Variants in RSPO3 observed in about 807,000 individuals in gnomAD.
RSPO3 encodes R-spondin-3.
In RSPO3, 17 loss-of-function variants were observed where a neutral mutation model predicts 36.5. The observed-to-expected ratio is 0.47, with a 90% confidence interval of 0.32 to 0.70. The LOEUF is 0.70. RSPO3 is among the 30% of genes least tolerant of loss of function. RSPO3 has a pLI of 0.04. For missense variants in RSPO3, 294 were observed against 322.5 expected (o/e 0.91, Z 0.68); for synonymous variants, 108 against 107.0 (o/e 1.01, Z -0.06).
At chr6:127,144,999 G>T (rs925608618) in intron 1 of RSPO3, among the ~76,000 whole-genome samples, 1 of 152,030 alleles carries the variant, frequency 6.6e-6, no homozygotes, top group African/African-American at 2.4e-5. Flanking sequence ...CCACTCCAAA[G>T]TAAGCTCCAT....
intron 4 of RSPO3, among the ~76,000 whole-genome samples, chr6:127,166,366 T>C (rs1322103600): frequency 6.6e-6 from 1 of 152,054 alleles, no homozygotes; most frequent in Admixed American, 6.6e-5. Context: ...AATGAATTGA[T>C]ACATTGACTT....
intron 1 of RSPO3, among the ~76,000 whole-genome samples, chr6:127,123,643 T>G (rs1227134060): frequency 6.6e-6 from 1 of 152,096 alleles, no homozygotes; most frequent in African/African-American, 2.4e-5. Flanking sequence ...ATGGTAATTT[T>G]AAAATACCTT....
chr6:127,177,543 G>C (rs1775080287), intron 4 of RSPO3, among the ~76,000 whole-genome samples: 1 of 151,818 alleles, frequency 6.6e-6, no homozygotes, highest in Non-Finnish European at 1.5e-5. Flanking sequence ...CCAGTAATAA[G>C]TGCTGATCAT....
At chr6:127,173,014 T>C (rs1471232214) in intron 4 of RSPO3, among the ~76,000 whole-genome samples, 1 of 151,844 alleles carries the variant, frequency 6.6e-6, no homozygotes, top group Non-Finnish European at 1.5e-5. Flanking sequence ...TTCAACACTT[T>C]TGCCCTGTGT....
intron 2 of RSPO3, 97 bp from the exon 3 acceptor site, chr6:127,150,329 A>T: frequency 8.5e-7 from 1 of 1,172,004 alleles, no homozygotes; most frequent in Non-Finnish European, 1.2e-6. Context: ...TTTATTTGAT[A>T]CTAAAGTTGT....
intron 4 of RSPO3, among the ~76,000 whole-genome samples, chr6:127,181,654 A>G (rs570602920): frequency 2.0e-5 from 3 of 151,996 alleles, no homozygotes; most frequent in African/African-American, 7.2e-5. Context: ...GTAATGGACA[A>G]AAAAGGGATT....
chr6:127,120,820 G>A (rs895594548), intron 1 of RSPO3, among the ~76,000 whole-genome samples: 2 of 152,246 alleles, frequency 1.3e-5, no homozygotes, highest in Non-Finnish European at 2.9e-5. Flanking sequence ...AAATATGTCA[G>A]GGCATCCGAT....
rs1774428224 is a variant in RSPO3, at chr6:127,148,428, TTCA to T, written c.98-219_98-217del. Reference sequence around the variant, plus strand: ...CTTTGAGGCAGTATATTCTTTATTTTTCAAATGCTCAATTTTAAGAACTTTGAA... The same window carrying T: ...CTTTGAGGCAGTATATTCTTTATTTTAATGCTCAATTTTAAGAACTTTGAA... On this transcript the variant is annotated intron_variant, in intron 1 of 4. Coordinates refer to ENST00000356698, the MANE Select transcript of RSPO3 (RefSeq NM_032784.5). Among the ~76,000 whole-genome samples, 4 of 151,998 alleles carry T rather than the reference TTCA, an allele frequency of 2.6e-5. No homozygotes were observed. The South Asian group carries it at 8.3e-4, about 31-fold the overall frequency.
In RSPO3 at chr6:127,119,145, ACAAT is replaced by A. The variant is rs766807820; in HGVS notation, c.-44_-41del. 1 of 1,351,906 alleles carries A rather than the reference ACAAT, an allele frequency of 7.4e-7. No individual in the cohort carries two copies. The highest frequency in any genetic ancestry group is 1.1e-6 in the Non-Finnish European group (1 of 949,618). The allele number at this position is 1,351,906 out of a possible 1,614,324, so 83.7% of individuals were successfully genotyped here. On this transcript the variant is annotated 5_prime_UTR_variant, in exon 1 of 5. Coordinates refer to ENST00000356698, the MANE Select transcript of RSPO3 (RefSeq NM_032784.5). ...ATTTTAAAAACATTAAATATAATTA[ACAAT>A]CAAAAGAAAGAGGAGAAAGGAAGGG...
intron 4 of RSPO3, among the ~76,000 whole-genome samples, chr6:127,168,376 G>C (rs1253663173): frequency 7.4e-6 from 1 of 134,848 alleles, no homozygotes; most frequent in East Asian, 2.2e-4. Flanking sequence ...TTTTTTTCAT[G>C]TGTCTGTTGG....
rs149420957 is a variant in RSPO3 at position 127,141,239 on chromosome 6, A to G, written c.98-7409A>G. Among the ~76,000 whole-genome samples, 332 of 152,220 alleles carry G rather than the reference A, an allele frequency of 2.2e-3. 1 individual carries two copies. The highest frequency in any genetic ancestry group is 7.6e-3 in the African/African-American group (315 of 41,536). On this transcript the variant is annotated intron_variant, in intron 1 of 4. Coordinates refer to ENST00000356698, the MANE Select transcript of RSPO3 (RefSeq NM_032784.5). ...TGAAGCCTACTTGCATCTATCTTTC[A>G]TTTCTAGTCCTGATTTTGGACTAGC...
At chr6:127,176,121 C>A (rs1472766566) in intron 4 of RSPO3, among the ~76,000 whole-genome samples, 1 of 151,560 alleles carries the variant, frequency 6.6e-6, no homozygotes, top group Non-Finnish European at 1.5e-5. Flanking sequence ...TTTTTGACCC[C>A]AATGTTACCG....
chr6:127,185,451 AAAG>A (rs776179629), intron 4 of RSPO3, among the ~76,000 whole-genome samples: 9 of 152,208 alleles, frequency 5.9e-5, no homozygotes, highest in South Asian at 2.1e-4. Context: ...ATCTGCAACA[AAAG>A]AAGAATGAGT....
Position 127,149,011 on chromosome 6 carries a change from C to T in RSPO3, c.289+172C>T, listed in dbSNP as rs560145603. Among the ~76,000 whole-genome samples the T allele has an allele frequency of 2.6e-5, 4 of 152,178 alleles. No homozygotes were observed. The East Asian group carries it at 5.8e-4, about 22-fold the overall frequency. On this transcript the variant is annotated intron_variant, in intron 2 of 4. Transcript: ENST00000356698. ...CCTCAGAACCAGAAAATTTTTATCA[C>T]TAACTTACAAAAAAGCACTCATGTT... is the stretch of plus-strand genomic sequence containing the variant.
chr6:127,132,478 A>C (rs1458992250), intron 1 of RSPO3, among the ~76,000 whole-genome samples: 1 of 152,006 alleles, frequency 6.6e-6, no homozygotes, highest in East Asian at 1.9e-4. Flanking sequence ...AATAGTAAAA[A>C]CTGACTACTC....
chr6:127,122,457 G>A (rs1162029055), intron 1 of RSPO3, among the ~76,000 whole-genome samples: 1 of 152,270 alleles, frequency 6.6e-6, no homozygotes, highest in East Asian at 1.9e-4. Context: ...ACGTGGATTA[G>A]TTGCTTGGGC....
chr6:127,133,256 A>G (rs1774091552), intron 1 of RSPO3, among the ~76,000 whole-genome samples: 1 of 152,100 alleles, frequency 6.6e-6, no homozygotes. Flanking sequence ...TATTTGCTAT[A>G]AATGAGCAAG....
chr6:127,139,628 G>A (rs1774229962), intron 1 of RSPO3, among the ~76,000 whole-genome samples: 1 of 151,466 alleles, frequency 6.6e-6, no homozygotes, highest in Non-Finnish European at 1.5e-5. Context: ...AAAATGGAAT[G>A]CTTCTCTCAG....
chr6:127,139,612 TAAAAAAA>T lies in RSPO3; in HGVS notation c.98-9033_98-9027del, dbSNP rs1372090587. 2.0e-5 allele frequency among the ~76,000 whole-genome samples: 3 copies of T among 150,982 alleles called. No individual in the cohort carries two copies. In the East Asian group the frequency reaches 5.8e-4, roughly 29 times the overall value. ...AAAAATTTCTAATTATTTCTAACCT[TAAAAAAA>T]AATGGAATGCTTCTCTCAGCCAGAC... On this transcript the variant is annotated intron_variant, in intron 1 of 4. Coordinates refer to ENST00000356698, the MANE Select transcript of RSPO3 (RefSeq NM_032784.5).
Sources: gnomAD v4.1 joint callset for allele counts (sites outside exome capture counted in the v4.1 genomes callset) on GRCh38, gnomAD v4.1.1 for gene constraint, MANE v1.5 for transcripts, NCBI Gene and HGNC (gene_info 2026-07-23, HGNC 2026-07-21) for gene names.